FBXW7: variants seen among roughly 807,000 people sequenced by gnomAD.
The protein encoded by FBXW7 is F-box and WD repeat domain containing 7.
FBXW7 carries 11 observed loss-of-function variants against 86.3 expected under a neutral mutation model. That is an observed-to-expected ratio of 0.13 (90% CI 0.08 to 0.21). FBXW7 has a LOEUF of 0.21. Among genes scored for constraint, FBXW7 ranks in the 10% least tolerant of loss-of-function variants. The probability of loss-of-function intolerance (pLI) is 1.00; values close to 1 mark genes in which losing one functional copy is unlikely to be tolerated. For missense variants in FBXW7, 488 were observed against 847.4 expected (o/e 0.58, Z 5.27); for synonymous variants, 313 against 297.9 (o/e 1.05, Z -0.52).
chr4:152,468,702 T>C (rs1033269016), intron 2 of FBXW7, among the ~76,000 whole-genome samples: 7 of 152,252 alleles, frequency 4.6e-5, no homozygotes, highest in Non-Finnish European at 7.4e-5. Flanking sequence ...AATTGTACAC[T>C]TAGAGATGAA....
chr4:152,485,241 TAAGTA>T (rs1410529336), intron 2 of FBXW7, among the ~76,000 whole-genome samples: 2 of 152,044 alleles, frequency 1.3e-5, no homozygotes, highest in African/African-American at 4.8e-5. Flanking sequence ...TATGTCAAGA[TAAGTA>T]AATAGGCTTA....
At chr4:152,525,085 A>G (rs1361071386) in intron 2 of FBXW7, among the ~76,000 whole-genome samples, 1 of 152,180 alleles carries the variant, frequency 6.6e-6, no homozygotes, top group African/African-American at 2.4e-5. Flanking sequence ...TTTTTGAAAA[A>G]CTATGAAATG....
intron 2 of FBXW7, among the ~76,000 whole-genome samples, chr4:152,512,906 G>A (rs933056251): frequency 5.9e-5 from 9 of 152,128 alleles, no homozygotes; most frequent in Non-Finnish European, 8.8e-5. Flanking sequence ...TGTTGCCCAG[G>A]CTGGAGTGCA....
intron 2 of FBXW7, among the ~76,000 whole-genome samples, chr4:152,425,929 T>A (rs1739343652): frequency 6.6e-6 from 1 of 152,110 alleles, no homozygotes; most frequent in African/African-American, 2.4e-5. Context: ...AAATGGACAG[T>A]CAGGGATTTT....
intron 4 of FBXW7, 89 bp from the exon 5 acceptor site, chr4:152,350,213 A>G (rs889517142): frequency 3.5e-5 from 21 of 601,414 alleles, no homozygotes; most frequent in Non-Finnish European, 5.4e-5. Flanking sequence ...TAAATTCTTA[A>G]ATTTTCATAT....
intron 2 of FBXW7, among the ~76,000 whole-genome samples, chr4:152,424,393 C>T (rs555717916): frequency 1.3e-5 from 2 of 152,236 alleles, no homozygotes; most frequent in East Asian, 3.9e-4. Flanking sequence ...ATATATTATG[C>T]CTTGACATTA....
At chr4:152,521,950 G>A (rs1264536098) in intron 2 of FBXW7, among the ~76,000 whole-genome samples, 1 of 150,564 alleles carries the variant, frequency 6.6e-6, no homozygotes, top group Non-Finnish European at 1.5e-5. Context: ...CTCCCCAGTA[G>A]CTGAAATTAC....
At chr4:152,351,268 T>C (rs1390604030) in intron 4 of FBXW7, among the ~76,000 whole-genome samples, 1 of 152,088 alleles carries the variant, frequency 6.6e-6, no homozygotes, top group Non-Finnish European at 1.5e-5. Context: ...AGAGCCACAC[T>C]GAATAATAAA....
In FBXW7 at chr4:152,411,465, C is replaced by A. The variant is rs769623850; in HGVS notation, c.339G>T (p.Glu113Asp). The change falls in exon 4 of 14, where the codon GAG (glutamate) becomes GAT (aspartate). Residue 113 changes from glutamate (E) to aspartate (D), a missense_variant. Glu to Asp is a conservative substitution (Grantham distance 45). Around this residue, in one of 4 missense-constraint regions of FBXW7, gnomAD observed 230 missense variants for 240.0 expected, o/e 0.96. Coordinates refer to ENST00000281708, the MANE Select transcript of FBXW7 (RefSeq NM_001349798.2). Reference protein sequence around the residue: ...EHAGEQDEEDEEEEEMDQESD... With the variant: ...EHAGEQDEEDDEEEEMDQESD... ...TCTCCTGGTCCATCTCCTCCTCCTC[C>A]TCATCCTCCTCATCTTGTTCACCAG... 4 of 1,613,196 alleles carry A rather than the reference C, an allele frequency of 2.5e-6. No individual in the cohort carries two copies. The East Asian group carries it at 6.7e-5, about 27-fold the overall frequency.
chr4:152,431,361 A>G (rs1739874587), intron 2 of FBXW7, among the ~76,000 whole-genome samples: 1 of 152,182 alleles, frequency 6.6e-6, no homozygotes, highest in South Asian at 2.1e-4. Context: ...GGGTTTTGTA[A>G]GGTGGGAACA....
At chr4:152,475,311 C>T (rs967888525) in intron 2 of FBXW7, among the ~76,000 whole-genome samples, 7 of 151,922 alleles carry the variant, frequency 4.6e-5, no homozygotes, top group African/African-American at 1.7e-4. Flanking sequence ...CCTGTAATCC[C>T]AGCTACTCAG....
At chr4:152,391,652 G>A (rs964917163) in intron 4 of FBXW7, among the ~76,000 whole-genome samples, 1 of 152,068 alleles carries the variant, frequency 6.6e-6, no homozygotes, top group East Asian at 1.9e-4. Context: ...ATTAAACACT[G>A]ACAAGAGTTT....
intron 2 of FBXW7, among the ~76,000 whole-genome samples, chr4:152,441,493 T>A (rs540172070): frequency 2.6e-5 from 4 of 152,110 alleles, no homozygotes; most frequent in Non-Finnish European, 4.4e-5. Context: ...GTCTCATAAA[T>A]AGGAAGAAAG....
At chr4:152,528,930 T>C (rs905727712) in intron 2 of FBXW7, among the ~76,000 whole-genome samples, 3 of 152,032 alleles carry the variant, frequency 2.0e-5, no homozygotes, top group African/African-American at 4.8e-5. Flanking sequence ...TATCTACACA[T>C]ACATACTTTG....
intron 2 of FBXW7, chr4:152,451,780 T>C (rs2127018769): frequency 6.8e-6 from 1 of 147,712 alleles, no homozygotes; most frequent in South Asian, 2.1e-4. Flanking sequence ...CAAGACCCTG[T>C]CTCAAAAAAA....
In FBXW7 at chr4:152,326,096, T is replaced by A. The variant is rs1728989371; in HGVS notation, c.1554A>T (p.Ala518=). ...CCCACACCTTTACCATAAAATCATATGCTCCACTAACAACCCTCCTGCCAT... is the reference window on the plus strand; with the variant it reads ...CCCACACCTTTACCATAAAATCATAAGCTCCACTAACAACCCTCCTGCCAT... ...QYDGRRVVSG[A]YDFMVKVWDP... The change falls in exon 12 of 14, where the codon GCA becomes GCT. Residue 518 remains alanine (A), a synonymous_variant. Coordinates refer to ENST00000281708, the MANE Select transcript of FBXW7 (RefSeq NM_001349798.2). 1 of 1,613,408 alleles carries A rather than the reference T, an allele frequency of 6.2e-7. No homozygotes were observed. The highest frequency in any genetic ancestry group is 8.5e-7 in the Non-Finnish European group (1 of 1,179,538).
At chr4:152,432,678 G>A (rs902259013) in intron 2 of FBXW7, among the ~76,000 whole-genome samples, 38 of 152,220 alleles carry the variant, frequency 2.5e-4, no homozygotes, top group Admixed American at 2.2e-3. Context: ...CGGGTATGGC[G>A]GCACAAGCCT....
At chr4:152,494,903 G>T (rs1746182188) in intron 2 of FBXW7, among the ~76,000 whole-genome samples, 1 of 152,108 alleles carries the variant, frequency 6.6e-6, no homozygotes, top group African/African-American at 2.4e-5. Flanking sequence ...TATTGATGAA[G>T]AAACAAATAT....
At chr4:152,351,198 A>G (rs140662777) in intron 4 of FBXW7, among the ~76,000 whole-genome samples, 1 of 152,226 alleles carries the variant, frequency 6.6e-6, no homozygotes, top group East Asian at 1.9e-4. Context: ...CTTGCCTTAC[A>G]TGGGAACATC....
Sources: gnomAD v4.1 joint callset for allele counts (sites outside exome capture counted in the v4.1 genomes callset) on GRCh38, gnomAD v4.1.1 for gene constraint, gnomAD v4.1.1 regional missense constraint, MANE v1.5 for transcripts, NCBI Gene and HGNC (gene_info 2026-07-23, HGNC 2026-07-21) for gene names.